Variants in SCAI observed in about 807,000 individuals in gnomAD.
SCAI encodes protein SCAI.
Under a neutral mutation model 92.2 loss-of-function variants are expected in SCAI, and 24 were observed. The ratio of observed to expected loss-of-function variants is 0.26; its 90% CI spans 0.19 to 0.37. SCAI has a LOEUF of 0.37. Among genes scored for constraint, SCAI ranks in the 10% least tolerant of loss-of-function variants. The probability of loss-of-function intolerance (pLI) is 1.00; values close to 1 mark genes in which losing one functional copy is unlikely to be tolerated. For missense variants in SCAI, 450 were observed against 736.2 expected, an observed-to-expected ratio of 0.61 and a Z score of 4.50; for synonymous variants, 261 against 258.6, an observed-to-expected ratio of 1.01 and a Z score of -0.09.
intron 2 of SCAI, chr9:125,142,210 C>G (rs1716419853): frequency 6.1e-6 from 1 of 162,930 alleles, no homozygotes; most frequent in Non-Finnish European, 1.3e-5. Context: ...CTCTGTTGCC[C>G]AGACTGGTCT....
Position 124,943,463 on chromosome 9 carries a change from G to A in SCAI, c.*9344C>T, listed in dbSNP as rs1185620958. ...TCATTATTTGCACGACAGATTAGCA[G>A]CACTTGGATAAGAATTGTTACATGA... is the stretch of plus-strand genomic sequence containing the variant. On this transcript the variant is annotated 3_prime_UTR_variant, in exon 18 of 18. Coordinates refer to ENST00000336505, the MANE Select transcript of SCAI (RefSeq NM_001144877.3). The A allele has an allele frequency of 6.6e-6, 1 of 152,196 alleles. No individual in the cohort carries two copies. Among genetic ancestry groups the A allele is most frequent in the Non-Finnish European group, 1.5e-5 (1 of 68,022 alleles). The allele number at this position is 152,196 out of a possible 1,614,324, so 9.4% of individuals were successfully genotyped here.
intron 14 of SCAI, among the ~76,000 whole-genome samples, chr9:124,978,885 C>T (rs1332644582): frequency 6.6e-6 from 1 of 150,398 alleles, no homozygotes; most frequent in African/African-American, 2.4e-5. Context: ...TTTTTTGAAA[C>T]AGTTTCGCTC....
chr9:125,028,524 C>A, intron 4 of SCAI, 46 bp from the exon 5 acceptor site: 3 of 1,020,056 alleles, frequency 2.9e-6, no homozygotes, highest in South Asian at 3.5e-5. Flanking sequence ...TCTATAAATT[C>A]CAAAACTAAT....
intron 2 of SCAI, among the ~76,000 whole-genome samples, chr9:125,084,158 CTTTTTTTTTT>C (rs34786493): frequency 2.9e-4 from 19 of 65,138 alleles, no homozygotes; most frequent in African/African-American, 1.1e-3. Context: ...TTGGCTGCTG[CTTTTTTTTTT>C]TTTTTTTTTT....
rs563455143 is a variant in SCAI, at chr9:125,130,275, G to C, written c.98+12358C>G. Among the ~76,000 whole-genome samples, 20 of 152,276 alleles carry C rather than the reference G, an allele frequency of 1.3e-4. No individual in the cohort carries two copies. In the South Asian group the frequency reaches 3.9e-3, roughly 30 times the overall value. The stretch of plus-strand genomic sequence containing the variant: ...CAAACGGAACAGAGAAGCATGCTAA[G>C]TGATACCATGAGGTCATAAAGTCAG... On this transcript the variant is annotated intron_variant, in intron 2 of 17. Coordinates refer to ENST00000336505, the MANE Select transcript of SCAI (RefSeq NM_001144877.3).
rs768752095 is a variant in SCAI at position 125,020,685 on chromosome 9, C to G, written c.597G>C (p.Lys199Asn). 13 of 1,450,522 alleles carry G rather than the reference C, an allele frequency of 9.0e-6. No individual in the cohort carries two copies. Among genetic ancestry groups the G allele is most frequent in the Non-Finnish European group, 1.1e-5 (12 of 1,049,438 alleles). The allele number at this position is 1,450,522 out of a possible 1,614,324, so 89.9% of individuals were successfully genotyped here. A position where few individuals can be genotyped will look rare whatever the true frequency, so the allele number is the denominator to read the frequency against. ...CLLLNKMDVV[K>N]DLVKELSDEI... ...AAAGTGTATTTACCTTTACCAGATC[C>G]TTTACAACATCCATTTTGTTGAGAA... The change falls in exon 7 of 18, where the codon AAG becomes AAC. Residue 199 changes from lysine (K) to asparagine (N), a missense_variant. Coordinates refer to ENST00000336505, the MANE Select transcript of SCAI (RefSeq NM_001144877.3).
intron 2 of SCAI, among the ~76,000 whole-genome samples, chr9:125,086,252 C>A (rs890710941): frequency 2.0e-5 from 3 of 152,150 alleles, no homozygotes; most frequent in Middle Eastern, 3.2e-3. Context: ...GTGCCTTGAA[C>A]ACTGTTTCCA....
chr9:124,985,031 T>C (rs1047674174), intron 14 of SCAI, among the ~76,000 whole-genome samples: 1 of 152,150 alleles, frequency 6.6e-6, no homozygotes, highest in South Asian at 2.1e-4. Context: ...AGGGGACAAA[T>C]GTCACAGCTC....
intron 2 of SCAI, among the ~76,000 whole-genome samples, chr9:125,092,800 C>T (rs754312532): frequency 3.3e-5 from 5 of 152,196 alleles, no homozygotes; most frequent in Non-Finnish European, 7.3e-5. Context: ...AGCCTTCATG[C>T]TGTTTCTCTA....
intron 14 of SCAI, among the ~76,000 whole-genome samples, chr9:124,985,061 AATCT>A (rs767683323): frequency 2.6e-5 from 4 of 152,316 alleles, no homozygotes; most frequent in African/African-American, 7.2e-5. Flanking sequence ...CCAAGATGGG[AATCT>A]AATAGAAAAC....
chr9:125,003,336 T>C, intron 10 of SCAI, 121 bp from the exon 11 acceptor site: 1 of 997,074 alleles, frequency 1.0e-6, no homozygotes, highest in Admixed American at 1.8e-5. Context: ...CTTACTGTGA[T>C]GATCTATTTC....
At chr9:124,959,485 C>T (rs62583413) in intron 17 of SCAI, among the ~76,000 whole-genome samples, 8,921 of 44,332 alleles carry the variant, frequency 0.2, 307 homozygotes, top group Admixed American at 0.23. Flanking sequence ...TATATATATA[C>T]ACACACACAT....
At chr9:125,064,242 C>T (rs1425947499) in intron 2 of SCAI, among the ~76,000 whole-genome samples, 1 of 152,030 alleles carries the variant, frequency 6.6e-6, no homozygotes, top group Non-Finnish European at 1.5e-5. Flanking sequence ...TTTTTAAAAT[C>T]CCCATTAATA....
intron 2 of SCAI, among the ~76,000 whole-genome samples, chr9:125,092,131 T>TAAAAAAAAAAA (rs71374225): frequency 3.3e-5 from 2 of 61,104 alleles, no homozygotes; most frequent in African/African-American, 1.2e-4. Context: ...CTCCGTCTCT[T>TAAAAAAAAAAA]AAAAAAAAAA....
chr9:125,106,132 T>TATATATATATATATAG (rs1834788782), intron 2 of SCAI, among the ~76,000 whole-genome samples: 1 of 82,308 alleles, frequency 1.2e-5, no homozygotes, highest in South Asian at 4.2e-4. Flanking sequence ...AATATATATA[T>TATATATATATATATAG]ATATATATAT....
chr9:125,001,658 T>G (rs530671025), intron 12 of SCAI, among the ~76,000 whole-genome samples: 6 of 152,212 alleles, frequency 3.9e-5, no homozygotes, highest in African/African-American at 1.2e-4. Flanking sequence ...CTTTTCAACT[T>G]TGAAACACCA....
chr9:125,114,891 A>G (rs1835008226), intron 2 of SCAI, among the ~76,000 whole-genome samples: 1 of 149,854 alleles, frequency 6.7e-6, no homozygotes, highest in South Asian at 2.1e-4. Context: ...CTCCTTCCTC[A>G]GCCTCCCAAG....
intron 2 of SCAI, among the ~76,000 whole-genome samples, chr9:125,136,791 C>T (rs1389844690): frequency 7.5e-6 from 1 of 133,422 alleles, no homozygotes; most frequent in East Asian, 2.1e-4. Context: ...TTTTTTGAGA[C>T]GAAGTCTTGC....
chr9:125,018,448 T>C (rs907706693), intron 9 of SCAI, among the ~76,000 whole-genome samples: 9 of 152,154 alleles, frequency 5.9e-5, no homozygotes, highest in Admixed American at 1.3e-4. Flanking sequence ...AAATCCCCTA[T>C]AATTTGGTTA....
Sources: gnomAD v4.1 joint callset for allele counts (sites outside exome capture counted in the v4.1 genomes callset) on GRCh38, gnomAD v4.1.1 for gene constraint, MANE v1.5 for transcripts, NCBI Gene and HGNC (gene_info 2026-07-23, HGNC 2026-07-21) for gene names.